The following GXYLT2 variants were observed in gnomAD, a reference collection of about 807,000 sequenced individuals.
GXYLT2 encodes the protein glucoside xylosyltransferase 2.
GXYLT2 carries 53 observed loss-of-function variants against 45.8 expected under a neutral mutation model. That is an observed-to-expected ratio of 1.16 (90% CI 0.93 to 1.46). The LOEUF is 1.46. GXYLT2 is among the 40% of genes most tolerant of loss of function. GXYLT2 has a pLI of 0.00. For synonymous variants in GXYLT2, 219 were observed against 214.2 expected (o/e 1.02, Z -0.19); for missense variants, 551 against 544.4 (o/e 1.01, Z -0.12).
At chr3:72,971,079 G>T (rs1710979067) in intron 6 of GXYLT2, among the ~76,000 whole-genome samples, 1 of 152,132 alleles carries the variant, frequency 6.6e-6, no homozygotes, top group Admixed American at 6.6e-5. Flanking sequence ...ACGAGCAGAA[G>T]TTAAATAAGT....
At chr3:72,924,192 CTT>C (rs10635700) in intron 3 of GXYLT2, among the ~76,000 whole-genome samples, 25 of 136,682 alleles carry the variant, frequency 1.8e-4, no homozygotes, top group Non-Finnish European at 1.6e-4. Flanking sequence ...TGGTCTTTGT[CTT>C]TTTTTTTTTT....
chr3:72,907,562 G>T (rs544323807), intron 1 of GXYLT2, among the ~76,000 whole-genome samples: 1 of 152,084 alleles, frequency 6.6e-6, no homozygotes, highest in Non-Finnish European at 1.5e-5. Flanking sequence ...GCATCCCTTC[G>T]TCTGGAACAA....
chr3:72,945,242 C>T (rs1575805616), intron 3 of GXYLT2, among the ~76,000 whole-genome samples: 1 of 151,904 alleles, frequency 6.6e-6, no homozygotes, highest in Non-Finnish European at 1.5e-5. Context: ...GAGCTGAGAT[C>T]GCGCCACTGC....
intron 1 of GXYLT2, among the ~76,000 whole-genome samples, chr3:72,889,974 C>T (rs1709153504): frequency 6.9e-6 from 1 of 144,442 alleles, no homozygotes; most frequent in African/African-American, 2.6e-5. Context: ...GCTGCGATCT[C>T]TGCTCACTGC....
At chr3:72,907,822 C>T (rs1388203513) in intron 1 of GXYLT2, among the ~76,000 whole-genome samples, 3 of 152,112 alleles carry the variant, frequency 2.0e-5, no homozygotes, top group East Asian at 3.8e-4. Context: ...GTCGTCAGGG[C>T]GCATATGTTG....
intron 1 of GXYLT2, among the ~76,000 whole-genome samples, chr3:72,905,719 T>G (rs1382472383): frequency 6.6e-6 from 1 of 152,208 alleles, no homozygotes; most frequent in East Asian, 1.9e-4. Flanking sequence ...CTCTCCAAAG[T>G]GTTCAGTCCA....
At chr3:72,966,821 C>T (rs1016106078) in intron 5 of GXYLT2, among the ~76,000 whole-genome samples, 6 of 151,946 alleles carry the variant, frequency 3.9e-5, no homozygotes, top group East Asian at 1.9e-4. Flanking sequence ...AGACAGGTTT[C>T]GCCATGTTGG....
chr3:72,948,846 A>G (rs1710461447), intron 3 of GXYLT2, among the ~76,000 whole-genome samples: 1 of 151,834 alleles, frequency 6.6e-6, no homozygotes. Context: ...AAAAAAAAAA[A>G]AAAAAAAAAA....
intron 3 of GXYLT2, among the ~76,000 whole-genome samples, chr3:72,924,785 C>T (rs1358676449): frequency 6.6e-6 from 1 of 151,834 alleles, no homozygotes. Context: ...TTAACCTGAA[C>T]AACTGTTAAG....
intron 1 of GXYLT2, among the ~76,000 whole-genome samples, chr3:72,889,911 T>G (rs1168220476): frequency 6.7e-5 from 10 of 149,596 alleles, no homozygotes; most frequent in East Asian, 3.9e-4. Flanking sequence ...TTTTTTGTTT[T>G]TTTTTTTTTT....
At chr3:72,948,609 C>T (rs901851182) in intron 3 of GXYLT2, among the ~76,000 whole-genome samples, 2 of 152,064 alleles carry the variant, frequency 1.3e-5, no homozygotes, top group Admixed American at 6.6e-5. Context: ...GAGGCCAAGG[C>T]GGGTGGATCA....
intron 1 of GXYLT2, among the ~76,000 whole-genome samples, chr3:72,896,646 C>A (rs542546947): frequency 6.6e-6 from 1 of 151,978 alleles, no homozygotes; most frequent in African/African-American, 2.4e-5. Flanking sequence ...ATCAGGAGTT[C>A]GAGACCATCC....
At chr3:72,967,424 C>A in intron 5 of GXYLT2, 123 bp from the exon 6 acceptor site, 1 of 682,788 alleles carries the variant, frequency 1.5e-6, no homozygotes, top group Non-Finnish European at 2.3e-6. Context: ...AGTAAAAAAT[C>A]ACACTCCTGT....
intron 2 of GXYLT2, among the ~76,000 whole-genome samples, chr3:72,920,342 C>T (rs1709809729): frequency 6.6e-6 from 1 of 152,078 alleles, no homozygotes; most frequent in African/African-American, 2.4e-5. Context: ...ACCATGTTGG[C>T]CAGGCTGGTC....
intron 3 of GXYLT2, among the ~76,000 whole-genome samples, chr3:72,945,122 C>CAA (rs35015597): frequency 0.073 from 9,910 of 136,436 alleles, 746 homozygotes; most frequent in East Asian, 0.39. Flanking sequence ...ACTAAAACTA[C>CAA]AAAAAAAAAA....
intron 1 of GXYLT2, among the ~76,000 whole-genome samples, chr3:72,893,699 T>A (rs1220355456): frequency 6.6e-6 from 1 of 152,248 alleles, no homozygotes; most frequent in Non-Finnish European, 1.5e-5. Context: ...GATTTACTTA[T>A]AGTATTAAGT....
chr3:72,913,151 C>G (rs1440594928), intron 2 of GXYLT2, among the ~76,000 whole-genome samples: 1 of 151,194 alleles, frequency 6.6e-6, no homozygotes, highest in Non-Finnish European at 1.5e-5. Context: ...CATTCTCCTG[C>G]CTCAGCCTCC....
chr3:72,963,819 T>C (rs1710812457), intron 5 of GXYLT2, among the ~76,000 whole-genome samples: 1 of 152,022 alleles, frequency 6.6e-6, no homozygotes. Context: ...ATTACAGTCA[T>C]GTGCCACCAC....
At chr3:72,897,493 T>C (rs1253183634) in intron 1 of GXYLT2, among the ~76,000 whole-genome samples, 1 of 152,200 alleles carries the variant, frequency 6.6e-6, no homozygotes, top group Non-Finnish European at 1.5e-5. Flanking sequence ...CAATCACCGA[T>C]GGCTACAAGT....
Sources: allele counts gnomAD v4.1 joint callset (sites outside exome capture counted in the v4.1 genomes callset), GRCh38; gene constraint gnomAD v4.1.1; transcripts MANE v1.5; gene names NCBI Gene and HGNC (gene_info 2026-07-23, HGNC 2026-07-21).